BOD1L1: variants seen among roughly 807,000 people sequenced by gnomAD.
BOD1L1 encodes biorientation of chromosomes in cell division 1 like 1.
BOD1L1 carries 86 observed loss-of-function variants against 240.7 expected under a neutral mutation model. That is an observed-to-expected ratio of 0.36 (90% CI 0.30 to 0.43). BOD1L1 has a LOEUF of 0.43. BOD1L1 is among the 20% of genes least tolerant of loss of function. The probability of loss-of-function intolerance (pLI) is 1.00; values close to 1 mark genes in which losing one functional copy is unlikely to be tolerated. For synonymous variants in BOD1L1, 1,268 were observed against 1,272.3 expected, an observed-to-expected ratio of 1.00 and a Z score of 0.07; for missense variants, 3,554 against 3,643.5, an observed-to-expected ratio of 0.98 and a Z score of 0.63.
intron 11 of BOD1L1, 70 bp from the exon 12 acceptor site, chr4:13,596,014 T>C: frequency 7.7e-7 from 1 of 1,294,328 alleles, no homozygotes; most frequent in Non-Finnish European, 1.1e-6. Context: ...CTCAAGTGAA[T>C]TAAACAAAAA....
chr4:13,571,470 G>A (rs1712200739), intron 25 of BOD1L1, among the ~76,000 whole-genome samples: 1 of 152,190 alleles, frequency 6.6e-6, no homozygotes, highest in African/African-American at 2.4e-5. Flanking sequence ...ATTTCAAACT[G>A]TTTCCATGGA....
intron 25 of BOD1L1, 27 bp from the exon 26 acceptor site, chr4:13,570,155 G>A: frequency 5.4e-6 from 8 of 1,484,898 alleles, no homozygotes; most frequent in Non-Finnish European, 7.2e-6. Context: ...CAAGGCAATG[G>A]TGAGGTTTAA....
rs1715276914 is a variant in BOD1L1, at chr4:13,602,435, C to T, written c.4465G>A (p.Gly1489Ser). 1 of 1,613,910 alleles carries T rather than the reference C, an allele frequency of 6.2e-7. No individual in the cohort carries two copies. Among genetic ancestry groups the T allele is most frequent in the Admixed American group, 1.7e-5 (1 of 60,004 alleles). ...NSEVDTSAGS[G>S]SAPSVLHQRN... ...TGGTGTAAAACAGAGGGTGCAGAGC[C>T]ACTTCCAGCACTGGTGTCTACCTCA... The change falls in exon 10 of 26, where the codon GGC becomes AGC. Residue 1489 changes from glycine (G) to serine (S), a missense_variant. Gly to Ser is a moderately conservative substitution (Grantham distance 56). Coordinates refer to ENST00000040738, the MANE Select transcript of BOD1L1 (RefSeq NM_148894.3).
At chr4:13,595,569 T>C (rs759006006) in intron 12 of BOD1L1, among the ~76,000 whole-genome samples, 2 of 152,144 alleles carry the variant, frequency 1.3e-5, no homozygotes, top group Non-Finnish European at 2.9e-5. Context: ...TGGAGAAACA[T>C]TTCTGGGATA....
rs1229774267 is a variant in BOD1L1 at position 13,599,407 on chromosome 4, T to C, written c.7493A>G (p.Asn2498Ser). The C allele has an allele frequency of 6.2e-7, 1 of 1,613,992 alleles. No homozygotes were observed. Among genetic ancestry groups the C allele is most frequent in the Non-Finnish European group, 8.5e-7 (1 of 1,179,874 alleles). The part of the protein sequence containing the change: ...SYSAGRGLEG[N>S]ANSPAHLRGP... ...TCTCAGGTGGGCAGGTGAGTTAGCA[T>C]TCCCCTCTAAGCCCCTTCCTGCTGA... The change falls in exon 10 of 26, where the codon AAT becomes AGT. Residue 2498 changes from asparagine (N) to serine (S), a missense_variant. Physicochemically the swap from Asn to Ser is conservative, Grantham distance 46. Around this residue, in one of 2 missense-constraint regions of BOD1L1, gnomAD observed 3,393 missense variants for 3,427.1 expected, o/e 0.99. Coordinates refer to ENST00000040738, the MANE Select transcript of BOD1L1 (RefSeq NM_148894.3).
chr4:13,571,237 G>A (rs1712181568), intron 25 of BOD1L1, among the ~76,000 whole-genome samples: 1 of 152,170 alleles, frequency 6.6e-6, no homozygotes, highest in African/African-American at 2.4e-5. Context: ...CTAGTGCAAT[G>A]CCCAACACAT....
chr4:13,585,018 T>A (rs1401299587), intron 17 of BOD1L1, among the ~76,000 whole-genome samples: 1 of 152,196 alleles, frequency 6.6e-6, no homozygotes, highest in Admixed American at 6.5e-5. Flanking sequence ...TGATTTTATT[T>A]AAATTTAACA....
intron 16 of BOD1L1, 52 bp from the exon 17 acceptor site, chr4:13,586,527 T>C: frequency 1.6e-6 from 2 of 1,246,270 alleles, no homozygotes; most frequent in Non-Finnish European, 2.3e-6. Context: ...AAATGAAAAA[T>C]GAAATGCATA....
rs1713088971 is a variant in BOD1L1 at position 13,579,947 on chromosome 4, T to G, written c.8730A>C (p.Lys2910Asn). 3 of 1,561,370 alleles carry G rather than the reference T, an allele frequency of 1.9e-6. No individual in the cohort carries two copies. The highest frequency in any genetic ancestry group is 2.6e-6 in the Non-Finnish European group (3 of 1,151,700). Reference protein sequence around the residue: ...VTVEQSPSSSKLKVMQTDESN... With the variant: ...VTVEQSPSSSNLKVMQTDESN... ...ACATACCTGTTTGCATTACTTTCAG[T>G]TTGCTGCTAGATGGAGATTGTTCTA... Residue 2910 changes from lysine to asparagine, a missense_variant, in exon 22 of 26, where the codon AAA becomes AAC. By Grantham distance (94) the Lys-to-Asn change is moderately conservative. This residue lies in a region of BOD1L1 where 3,393 missense variants were observed against 3,427.1 expected (regional missense o/e 0.99). Coordinates refer to ENST00000040738, the MANE Select transcript of BOD1L1 (RefSeq NM_148894.3).
In BOD1L1 at chr4:13,607,557, C is replaced by T. The variant is rs901206474; in HGVS notation, c.1743-368G>A. Among the ~76,000 whole-genome samples, 11 of 152,172 alleles carry T rather than the reference C, an allele frequency of 7.2e-5. No homozygotes were observed. In the South Asian group the frequency reaches 8.3e-4, roughly 11 times the overall value. On this transcript the variant is annotated intron_variant, in intron 8 of 25. Transcript: ENST00000040738. ...ATGTGTTCCACCCGCCTCTGCCTCC[C>T]GAAGTGCTGGGATTAAAGGCGTGAG...
rs1215359481 is a variant in BOD1L1, at chr4:13,577,328, C to T, written c.8884+75G>A. On this transcript the variant is annotated intron_variant, in intron 24 of 25. Transcript: ENST00000040738. The stretch of plus-strand genomic sequence containing the variant: ...ATTAGCTGTACCCATTGGATTTTTC[C>T]TCATTCAAAGAAAAACTCTTTAAAA... 15 of 1,284,282 alleles carry T rather than the reference C, an allele frequency of 1.2e-5. No individual in the cohort carries two copies. In the East Asian group the frequency reaches 2.7e-4, roughly 23 times the overall value. The allele number at this position is 1,284,282 out of a possible 1,614,324, so 79.6% of individuals were successfully genotyped here. A position where few individuals can be genotyped will look rare whatever the true frequency, so the allele number is the denominator to read the frequency against.
At chr4:13,582,813 G>T in intron 17 of BOD1L1, 77 bp from the exon 18 acceptor site, 1 of 1,007,212 alleles carries the variant, frequency 9.9e-7, no homozygotes. Flanking sequence ...ACACAAGTTT[G>T]CCTTTCTATT....
In BOD1L1 at chr4:13,595,913, C is replaced by G. The variant is rs762133094; in HGVS notation, c.8051G>C (p.Gly2684Ala). The G allele has an allele frequency of 1.4e-5, 22 of 1,613,648 alleles. No homozygotes were observed. The highest frequency in any genetic ancestry group is 1.9e-5 in the Non-Finnish European group (22 of 1,179,854). The change falls in exon 12 of 26, where the codon GGT (glycine) becomes GCT (alanine). Residue 2684 changes from glycine (G) to alanine (A), a missense_variant. Physicochemically the swap from Gly to Ala is moderately conservative, Grantham distance 60 (BLOSUM62 0). Around this residue, in one of 2 missense-constraint regions of BOD1L1, gnomAD observed 3,393 missense variants for 3,427.1 expected, o/e 0.99. Coordinates refer to ENST00000040738, the MANE Select transcript of BOD1L1 (RefSeq NM_148894.3). ...AYVPSEEEKN[G>A]EILAPPESLC... ...ACTTTCTGGTGGTGCCAGAATTTCA[C>G]CATTTTTCTCTTCCTCTGAAGGCAC... is the stretch of plus-strand genomic sequence containing the variant.
Position 13,627,691 on chromosome 4 carries a change from T to G in BOD1L1, c.-104A>C. The G allele has an allele frequency of 1.0e-6, 1 of 973,576 alleles. No homozygotes were observed. The highest frequency in any genetic ancestry group is 1.2e-6 in the Non-Finnish European group (1 of 814,368). The allele number at this position is 973,576 out of a possible 1,614,324, so 60.3% of individuals were successfully genotyped here. On this transcript the variant is annotated 5_prime_UTR_variant, in exon 1 of 26. Coordinates refer to ENST00000040738, the MANE Select transcript of BOD1L1 (RefSeq NM_148894.3). ...CTGAGGGAAGCCAACGGGATGTTGT[T>G]ACGGAACCAGCGGATCCAGAGCAAC... is the stretch of plus-strand genomic sequence containing the variant.
At position 13,627,436 on chromosome 4, in the gene BOD1L1, G is replaced by T; in HGVS notation, c.152C>A (p.Pro51Gln). The change falls in exon 1 of 26, where the codon CCG becomes CAG. Residue 51 changes from proline (P) to glutamine (Q), a missense_variant. Transcript: ENST00000040738. The part of the protein sequence containing the change: ...AGGAGAGAGD[P>Q]QLVAMIVNHL... ...GTTCACGATCATGGCCACGAGCTGC[G>T]GGTCCCCGGCGCCCGCACCCGCGCC... The T allele has an allele frequency of 7.6e-7, 1 of 1,316,728 alleles. No individual in the cohort carries two copies. The allele number at this position is 1,316,728 out of a possible 1,614,324, so 81.6% of individuals were successfully genotyped here.
At chr4:13,592,833 G>C (rs1714325703) in intron 12 of BOD1L1, 1 of 152,142 alleles carries the variant, frequency 6.6e-6, no homozygotes. Context: ...GATAGTCATG[G>C]GTGAGGATTT....
At position 13,570,105 on chromosome 4, in the gene BOD1L1, G is replaced by C; in HGVS notation, c.9062C>G (p.Ser3021Cys). Residue 3021 changes from serine (S) to cysteine (C), a missense_variant, in exon 26 of 26, where the codon TCT (serine) becomes TGT (cysteine). Ser to Cys is a moderately radical substitution (Grantham distance 112). This residue lies in a region of BOD1L1 where 3,393 missense variants were observed against 3,427.1 expected (regional missense o/e 0.99). Coordinates refer to ENST00000040738, the MANE Select transcript of BOD1L1 (RefSeq NM_148894.3). ...GCTGACTTCTCTCTTGCGCTTGATAGAAGGGGAGAGCTGTGTCTTTGATCT... is the reference window on the plus strand; with the variant it reads ...GCTGACTTCTCTCTTGCGCTTGATACAAGGGGAGAGCTGTGTCTTTGATCT... ...AQRSKTQLSP[S>C]IKRKREVSPP... 6.2e-7 allele frequency: 1 copy of C among 1,601,768 alleles called. No individual in the cohort carries two copies. Among genetic ancestry groups the C allele is most frequent in the Non-Finnish European group, 8.5e-7 (1 of 1,175,156 alleles).
Position 13,610,798 on chromosome 4 carries a change from T to A in BOD1L1, c.1491+136A>T, listed in dbSNP as rs564490956. The stretch of plus-strand genomic sequence containing the variant: ...GTCACATGTTTACATCTACTCTACC[T>A]AGTTAAATGACAAGTTTCCTGAAGG... On this transcript the variant is annotated intron_variant, in intron 6 of 25. Transcript: ENST00000040738. 58 of 599,886 alleles carry A rather than the reference T, an allele frequency of 9.7e-5. No homozygotes were observed. In the Admixed American group the frequency reaches 1.3e-3, roughly 13 times the overall value. The allele number at this position is 599,886 out of a possible 1,614,324, so 37.2% of individuals were successfully genotyped here. A position where few individuals can be genotyped will look rare whatever the true frequency, so the allele number is the denominator to read the frequency against.
intron 2 of BOD1L1, 91 bp downstream of exon 2, chr4:13,619,852 G>C: frequency 7.0e-7 from 1 of 1,431,718 alleles, no homozygotes; most frequent in Non-Finnish European, 9.4e-7. Context: ...AACATCATTA[G>C]GTGAACAAAT....
Sources: gnomAD v4.1 joint callset for allele counts (sites outside exome capture counted in the v4.1 genomes callset) on GRCh38, gnomAD v4.1.1 for gene constraint, gnomAD v4.1.1 regional missense constraint, MANE v1.5 for transcripts, NCBI Gene and HGNC (gene_info 2026-07-23, HGNC 2026-07-21) for gene names.